RBFOX1: variants seen among roughly 807,000 people sequenced by gnomAD.
RBFOX1 encodes the protein RNA binding fox-1 homolog 1, also known as RNA binding protein fox-1 homolog 1.
RBFOX1 carries 8 observed loss-of-function variants against 57.7 expected under a neutral mutation model. The observed-to-expected ratio is 0.14, with a 90% CI of 0.08 to 0.25. The LOEUF is 0.25. RBFOX1 is among the 10% of genes least tolerant of loss of function. RBFOX1 has a pLI of 1.00. For synonymous variants in RBFOX1, 326 were observed against 222.4 expected (o/e 1.47, Z -4.15); for missense variants, 611 against 548.5 (o/e 1.11, Z -1.14).
At chr16:7,152,822 C>A (rs1315694142) in intron 4 of RBFOX1, among the ~76,000 whole-genome samples, 5 of 152,030 alleles carry the variant, frequency 3.3e-5, no homozygotes, top group Admixed American at 6.6e-5. Context: ...CTAGAAGAGA[C>A]AATGGAAGGT....
intron 2 of RBFOX1, among the ~76,000 whole-genome samples, chr16:6,508,766 T>A (rs2096179467): frequency 6.6e-6 from 1 of 152,108 alleles, no homozygotes; most frequent in African/African-American, 2.4e-5. Context: ...TATTTAAGGC[T>A]CTGTATTAAA....
chr16:5,598,955 A>T (rs1249025173), exon 3 of RBFOX1: 2 of 1,531,624 alleles, frequency 1.3e-6, no homozygotes, highest in African/African-American at 2.7e-5. Context: ...ACAGCCTGCA[A>T]GACTCCGTAA....
chr16:7,405,189 G>A (rs1401393248), intron 4 of RBFOX1, among the ~76,000 whole-genome samples: 1 of 152,196 alleles, frequency 6.6e-6, no homozygotes, highest in Non-Finnish European at 1.5e-5. Context: ...GAAAGCTCTT[G>A]ACGATACAGC....
chr16:5,621,282 T>C (rs1169898413), intron 3 of RBFOX1, among the ~76,000 whole-genome samples: 1 of 152,220 alleles, frequency 6.6e-6, no homozygotes, highest in African/African-American at 2.4e-5. Flanking sequence ...TGGCTTTCCT[T>C]TCAGCTGAAT....
At chr16:6,112,413 G>C (rs2096456375) in intron 1 of RBFOX1, among the ~76,000 whole-genome samples, 1 of 152,178 alleles carries the variant, frequency 6.6e-6, no homozygotes, top group Non-Finnish European at 1.5e-5. Context: ...GTCCGAGGCT[G>C]GGCACGGTGA....
At chr16:7,180,309 A>AT (rs2082449136) in intron 4 of RBFOX1, among the ~76,000 whole-genome samples, 2 of 152,076 alleles carry the variant, frequency 1.3e-5, no homozygotes, top group Admixed American at 6.6e-5. Context: ...AATTATTCCC[A>AT]TTTTTCAGAT....
At chr16:5,442,400 A>G (rs949322967) in intron 1 of RBFOX1, among the ~76,000 whole-genome samples, 5 of 152,214 alleles carry the variant, frequency 3.3e-5, no homozygotes, top group East Asian at 3.8e-4. Flanking sequence ...TGGAAGCTCA[A>G]TGTGAGCCTA....
In RBFOX1 at chr16:7,149,027, G is replaced by C. The variant is rs541966156; in HGVS notation, c.27+96929G>C. Among the ~76,000 whole-genome samples the C allele has an allele frequency of 5.3e-5, 8 of 152,302 alleles. No homozygotes were observed. The South Asian group carries it at 1.5e-3, about 28-fold the overall frequency. ...GCTTAGAGAATGCGTCAAGGGAAGGGGCCTTCTGGTCTACCAATTCTGCCC... is the reference window on the plus strand; with the variant it reads ...GCTTAGAGAATGCGTCAAGGGAAGGCGCCTTCTGGTCTACCAATTCTGCCC... On this transcript the variant is annotated intron_variant, in intron 4 of 15. Transcript: ENST00000550418.
At chr16:5,303,803 T>C (rs984680033) in intron 1 of RBFOX1, among the ~76,000 whole-genome samples, 1 of 152,020 alleles carries the variant, frequency 6.6e-6, no homozygotes, top group African/African-American at 2.4e-5. Flanking sequence ...GCAAAAATGA[T>C]TAAAATTGAA....
intron 4 of RBFOX1, among the ~76,000 whole-genome samples, chr16:5,901,062 C>G (rs1452114354): frequency 2.0e-5 from 3 of 152,156 alleles, no homozygotes; most frequent in Non-Finnish European, 4.4e-5. Flanking sequence ...TTCCAGAGCA[C>G]CAGCCCTTCT....
chr16:5,980,391 G>A (rs1165433848), intron 4 of RBFOX1, among the ~76,000 whole-genome samples: 1 of 152,130 alleles, frequency 6.6e-6, no homozygotes, highest in Non-Finnish European at 1.5e-5. Flanking sequence ...GGGGGAAAGT[G>A]CAGATAGCGT....
chr16:7,271,057 G>A (rs1418366697), intron 4 of RBFOX1, among the ~76,000 whole-genome samples: 1 of 152,036 alleles, frequency 6.6e-6, no homozygotes, highest in Non-Finnish European at 1.5e-5. Context: ...TTATTTTGCT[G>A]CATTGCCTCA....
chr16:7,560,257 C>G (rs1325161313), intron 5 of RBFOX1, among the ~76,000 whole-genome samples: 2 of 152,190 alleles, frequency 1.3e-5, no homozygotes, highest in Non-Finnish European at 2.9e-5. Context: ...GGGGGGTGGA[C>G]TTCTTGGCTT....
intron 2 of RBFOX1, among the ~76,000 whole-genome samples, chr16:5,549,282 T>G (rs2045360630): frequency 6.6e-6 from 1 of 152,214 alleles, no homozygotes; most frequent in Non-Finnish European, 1.5e-5. Flanking sequence ...TCTGTCTGTC[T>G]CACTCTCTGA....
intron 4 of RBFOX1, among the ~76,000 whole-genome samples, chr16:5,983,085 G>A (rs1458333750): frequency 1.3e-5 from 2 of 152,116 alleles, no homozygotes; most frequent in Non-Finnish European, 2.9e-5. Context: ...GAGTGAGTGC[G>A]ACTTCACTTC....
At chr16:6,196,533 G>T (rs1380603891) in intron 1 of RBFOX1, among the ~76,000 whole-genome samples, 1 of 152,120 alleles carries the variant, frequency 6.6e-6, no homozygotes, top group Non-Finnish European at 1.5e-5. Context: ...CAATATGGAT[G>T]CGTGGCTGCG....
upstream of RBFOX1, among the ~76,000 whole-genome samples, chr16:6,017,515 A>G (rs542569070): frequency 2.0e-5 from 3 of 152,284 alleles, no homozygotes; most frequent in African/African-American, 7.2e-5. Context: ...AGACTAGTAT[A>G]AAGAAAAAAA....
chr16:7,245,978 T>A (rs1457713768), intron 4 of RBFOX1, among the ~76,000 whole-genome samples: 1 of 151,814 alleles, frequency 6.6e-6, no homozygotes, highest in African/African-American at 2.4e-5. Flanking sequence ...AAGTATAGAT[T>A]GCAGTGTAAA....
intron 2 of RBFOX1, among the ~76,000 whole-genome samples, chr16:6,533,049 A>G (rs993039859): frequency 1.3e-4 from 20 of 152,202 alleles, no homozygotes; most frequent in South Asian, 4.1e-4. Flanking sequence ...GATGCATCAC[A>G]TGCTCTGTGT....
Sources: gnomAD v4.1 joint callset for allele counts (sites outside exome capture counted in the v4.1 genomes callset) on GRCh38, gnomAD v4.1.1 for gene constraint, MANE v1.5 for transcripts, NCBI Gene and HGNC (gene_info 2026-07-23, HGNC 2026-07-21) for gene names.